GTF3C4: variants seen among roughly 807,000 people sequenced by gnomAD.
The protein encoded by GTF3C4 is general transcription factor IIIC subunit 4.
A neutral mutation model predicts 67.5 loss-of-function variants in GTF3C4; 28 were observed. The observed-to-expected ratio is 0.41, with a 90% CI of 0.31 to 0.57. GTF3C4 has a LOEUF of 0.57. Among genes scored for constraint, GTF3C4 ranks in the 20% least tolerant of loss-of-function variants. The pLI is 0.21. For missense variants in GTF3C4, 831 were observed against 1,033.2 expected (o/e 0.80, Z 2.68); for synonymous variants, 409 against 393.0 (o/e 1.04, Z -0.48).
chr9:132,674,857 G>A (rs1294132768), intron 1 of GTF3C4, among the ~76,000 whole-genome samples: 1 of 152,088 alleles, frequency 6.6e-6, no homozygotes, highest in African/African-American at 2.4e-5. Flanking sequence ...GAGAGAGACC[G>A]CATCTCTACA....
intron 1 of GTF3C4, among the ~76,000 whole-genome samples, chr9:132,676,129 G>GACCTCATGATCCGCCC (rs1165639341): frequency 6.6e-6 from 1 of 151,770 alleles, no homozygotes; most frequent in Non-Finnish European, 1.5e-5. Context: ...TCGATCTCCT[G>GACCTCATGATCCGCCC]ACCTCATGAT....
In GTF3C4 at chr9:132,687,315, C is replaced by G; in HGVS notation, c.2392C>G (p.Pro798Ala). 6.4e-7 allele frequency: 1 copy of G among 1,559,574 alleles called. No homozygotes were observed. Among genetic ancestry groups the G allele is most frequent in the South Asian group, 1.1e-5 (1 of 89,946 alleles). The change falls in exon 4 of 5, where the codon CCA becomes GCA. Residue 798 changes from proline (P) to alanine (A), a missense_variant. Pro to Ala is a conservative substitution (Grantham distance 27). Around this residue, in one of 4 missense-constraint regions of GTF3C4, gnomAD observed 129 missense variants for 213.8 expected, o/e 0.60. Coordinates refer to ENST00000372146, the MANE Select transcript of GTF3C4 (RefSeq NM_012204.4). ...GCTCCATGACAGCATTGCCCGGCATCCAGCTCCAGAAGGTGAGTGCTTTCC... is the reference window on the plus strand; with the variant it reads ...GCTCCATGACAGCATTGCCCGGCATGCAGCTCCAGAAGGTGAGTGCTTTCC... ...CLLHDSIARH[P>A]APEDPDWIKR...
chr9:132,672,639 A>G (rs1341270082), intron 1 of GTF3C4, among the ~76,000 whole-genome samples: 1 of 152,178 alleles, frequency 6.6e-6, no homozygotes, highest in Non-Finnish European at 1.5e-5. Flanking sequence ...CAATCTAGGA[A>G]GTCTTTAAGA....
At chr9:132,683,753 A>G (rs1008638060) in intron 3 of GTF3C4, 60 bp downstream of exon 3, 5 of 1,465,970 alleles carry the variant, frequency 3.4e-6, no homozygotes, top group Non-Finnish European at 4.6e-6. Context: ...AGCACAAACT[A>G]CTGTATGTGA....
intron 1 of GTF3C4, among the ~76,000 whole-genome samples, chr9:132,673,332 A>G (rs2130893374): frequency 6.6e-6 from 1 of 152,358 alleles, no homozygotes; most frequent in South Asian, 2.1e-4. Flanking sequence ...CTAACTAGTA[A>G]CAGGAAATCC....
At chr9:132,673,593 A>G (rs1383657719) in intron 1 of GTF3C4, among the ~76,000 whole-genome samples, 3 of 152,160 alleles carry the variant, frequency 2.0e-5, no homozygotes, top group Admixed American at 2.0e-4. Context: ...TGATGACTCC[A>G]CCCATTGGCA....
In GTF3C4 at chr9:132,694,726, T is replaced by A. The variant is rs760691599; in HGVS notation, c.*5781T>A. On this transcript the variant is annotated 3_prime_UTR_variant, in exon 5 of 5. Coordinates refer to ENST00000372146, the MANE Select transcript of GTF3C4 (RefSeq NM_012204.4). Reference sequence around the variant, plus strand: ...GCTGGTTGGCCATTTCTCCAATTGATGAACTACCATTGGTTTTAGCTCTTT... The same window carrying A: ...GCTGGTTGGCCATTTCTCCAATTGAAGAACTACCATTGGTTTTAGCTCTTT... The A allele has an allele frequency of 3.3e-5, 5 of 152,216 alleles. No individual in the cohort carries two copies. The highest frequency in any genetic ancestry group is 6.5e-5 in the Admixed American group (1 of 15,286). 9.4% of individuals were successfully genotyped at this position (152,216 alleles called of 1,614,324 possible). A position where few individuals can be genotyped will look rare whatever the true frequency, so the allele number is the denominator to read the frequency against.
chr9:132,685,552 T>C (rs1240038883), intron 3 of GTF3C4, among the ~76,000 whole-genome samples: 4 of 150,526 alleles, frequency 2.7e-5, no homozygotes, highest in Non-Finnish European at 4.4e-5. Context: ...GAGGTCTCAC[T>C]ATGTTGCCCA....
chr9:132,670,747 T>C lies in GTF3C4; in HGVS notation c.149T>C (p.Met50Thr). The C allele has an allele frequency of 6.4e-7, 1 of 1,556,470 alleles. No homozygotes were observed. The highest frequency in any genetic ancestry group is 8.6e-7 in the Non-Finnish European group (1 of 1,157,706). The change falls in exon 1 of 5, where the codon ATG (methionine) becomes ACG (threonine). Residue 50 changes from methionine to threonine, a missense_variant. By Grantham distance (81) the Met-to-Thr change is moderately conservative (BLOSUM62 -1). Transcript: ENST00000372146. Reference sequence around the variant, plus strand: ...GGGCCCAGCGCTGCATTCCGCCTCATGGTGACTCGGCGGGAGCCGGCCGTG... The same window carrying C: ...GGGCCCAGCGCTGCATTCCGCCTCACGGTGACTCGGCGGGAGCCGGCCGTG... ...APGPSAAFRL[M>T]VTRREPAVKL...
chr9:132,675,654 C>T lies in GTF3C4; in HGVS notation c.358-2323C>T, dbSNP rs572292560. On this transcript the variant is annotated intron_variant, in intron 1 of 4. Transcript: ENST00000372146. ...CCCTGGCCGAGGCATTTAGTGTCCT[C>T]GTGTCACTTTTCAAGGGAGAACGAC... is the stretch of plus-strand genomic sequence containing the variant. Among the ~76,000 whole-genome samples the T allele has an allele frequency of 2.6e-5, 4 of 152,190 alleles. No homozygotes were observed. In the East Asian group the frequency reaches 5.8e-4, roughly 22 times the overall value.
rs1836102379 is a variant in GTF3C4 at position 132,690,653 on chromosome 9, G to A, written c.*1708G>A. 1 of 152,022 alleles carries A rather than the reference G, an allele frequency of 6.6e-6. No individual in the cohort carries two copies. The highest frequency in any genetic ancestry group is 2.1e-4 in the South Asian group (1 of 4,826). 9.4% of individuals were successfully genotyped at this position (152,022 alleles called of 1,614,324 possible). On this transcript the variant is annotated 3_prime_UTR_variant, in exon 5 of 5. Transcript: ENST00000372146. ...ATTCTGCTTATTTTTCTCATTTGGT[G>A]GTAATTTCAAGAAGAGCGTTTATCC...
At chr9:132,673,322 C>A (rs1029494788) in intron 1 of GTF3C4, among the ~76,000 whole-genome samples, 1 of 152,158 alleles carries the variant, frequency 6.6e-6, no homozygotes, top group Non-Finnish European at 1.5e-5. Flanking sequence ...ACCACAACTG[C>A]TAACTAGTAA....
chr9:132,682,858 C>T (rs1835967157), intron 2 of GTF3C4, among the ~76,000 whole-genome samples: 1 of 152,132 alleles, frequency 6.6e-6, no homozygotes, highest in Non-Finnish European at 1.5e-5. Flanking sequence ...CCCGCCTTGG[C>T]CTCCCAAAGT....
chr9:132,689,158 A>G lies in GTF3C4; in HGVS notation c.*213A>G. The G allele has an allele frequency of 1.8e-6, 1 of 555,764 alleles. No individual in the cohort carries two copies. Among genetic ancestry groups the G allele is most frequent in the South Asian group, 2.2e-5 (1 of 46,306 alleles). 34.4% of individuals were successfully genotyped at this position (555,764 alleles called of 1,614,324 possible). The stretch of plus-strand genomic sequence containing the variant: ...TGTCCTTTGAAATGGCTGGACTCAG[A>G]GAGTTGGAGTCGTTTTGAGATGAGC... On this transcript the variant is annotated 3_prime_UTR_variant, in exon 5 of 5. Transcript: ENST00000372146.
intron 2 of GTF3C4, among the ~76,000 whole-genome samples, chr9:132,680,859 C>G (rs566321654): frequency 2.6e-5 from 4 of 152,196 alleles, no homozygotes; most frequent in Non-Finnish European, 5.9e-5. Flanking sequence ...GCCTGTAATC[C>G]TAGTACTTTG....
chr9:132,677,931 C>T, intron 1 of GTF3C4, 46 bp from the exon 2 acceptor site: 1 of 1,506,818 alleles, frequency 6.6e-7, no homozygotes, highest in Non-Finnish European at 8.9e-7. Context: ...TTGCCATCTC[C>T]TTGAGTAAAT....
chr9:132,683,517 A>G (rs1479115464), intron 2 of GTF3C4, 46 bp from the exon 3 acceptor site: 3 of 1,542,002 alleles, frequency 1.9e-6, no homozygotes, highest in Non-Finnish European at 2.6e-6. Context: ...TTCTTCAGGA[A>G]ATCCTGCACT....
In GTF3C4 at chr9:132,679,437, C is replaced by A. The variant is rs199574706; in HGVS notation, c.1818C>A (p.Ile606=). The A allele has an allele frequency of 2.0e-5, 32 of 1,614,032 alleles. No individual in the cohort carries two copies. The East Asian group carries it at 6.9e-4, about 35-fold the overall frequency. Residue 606 remains isoleucine (I), a synonymous_variant, in exon 2 of 5, where the codon ATC becomes ATA. Coordinates refer to ENST00000372146, the MANE Select transcript of GTF3C4 (RefSeq NM_012204.4). This position sits in a 1 kb window ranked among gnomAD's most constrained non-coding sequence, Gnocchi z 5.9. ...AACCCACCCATGAGGACTCAAAAAT[C>A]TTACTAGTGGATTCGCCTGGGATGG... is the stretch of plus-strand genomic sequence containing the variant. ...LWKPTHEDSK[I]LLVDSPGMGN... is the part of the protein sequence containing the mutation.
rs181251276 is a variant in GTF3C4 at position 132,670,564 on chromosome 9, G to T, written c.-35G>T. The T allele has an allele frequency of 1.7e-3, 2,304 of 1,367,980 alleles. 34 individuals are homozygous for T. The African/African-American group carries it at 0.031, about 19-fold the overall frequency. The allele number at this position is 1,367,980 out of a possible 1,614,324, so 84.7% of individuals were successfully genotyped here. Reference sequence around the variant, plus strand: ...GGAGGTGGTCGCGCGACTGCGTGGAGCGCCAGGGCGTCCGACCTCTGCACC... The same window carrying T: ...GGAGGTGGTCGCGCGACTGCGTGGATCGCCAGGGCGTCCGACCTCTGCACC... On this transcript the variant is annotated 5_prime_UTR_variant, in exon 1 of 5. Transcript: ENST00000372146.
Sources: gnomAD v4.1 joint callset for allele counts (sites outside exome capture counted in the v4.1 genomes callset) on GRCh38, gnomAD v4.1.1 for gene constraint, gnomAD v4.1.1 regional missense constraint, Gnocchi (gnomAD v3.1) non-coding constraint, MANE v1.5 for transcripts, NCBI Gene and HGNC (gene_info 2026-07-23, HGNC 2026-07-21) for gene names.